ADAMTSL3: variants seen among roughly 807,000 people sequenced by gnomAD.
ADAMTSL3 encodes ADAMTS like 3, also known as ADAMTS-like protein 3.
In ADAMTSL3, 128 loss-of-function variants were observed where a neutral mutation model predicts 201.7. The observed-to-expected ratio is 0.63, with a 90% CI of 0.55 to 0.73. The LOEUF (loss-of-function observed/expected upper bound fraction) is 0.73, where lower values mean the gene tolerates loss of function less well. ADAMTSL3 is among the 30% of genes least tolerant of loss of function. ADAMTSL3 has a pLI of 0.00. For missense variants in ADAMTSL3, 1,990 were observed against 2,119.6 expected (o/e 0.94, Z 1.20); for synonymous variants, 738 against 748.4 (o/e 0.99, Z 0.23).
At chr15:83,850,654 G>C (rs528769458) in intron 7 of ADAMTSL3, among the ~76,000 whole-genome samples, 1 of 152,126 alleles carries the variant, frequency 6.6e-6, no homozygotes, top group East Asian at 1.9e-4. Context: ...GTATTCCTCA[G>C]ATCACAGCTT....
intron 3 of ADAMTSL3, among the ~76,000 whole-genome samples, chr15:83,716,044 G>A (rs994322351): frequency 3.3e-5 from 5 of 152,076 alleles, no homozygotes; most frequent in African/African-American, 4.8e-5. Flanking sequence ...TGTAATTATT[G>A]ACATGGATGT....
intron 5 of ADAMTSL3, among the ~76,000 whole-genome samples, chr15:83,818,300 AT>A (rs147113390): frequency 0.073 from 11,127 of 152,218 alleles, 623 homozygotes; most frequent in Admixed American, 0.18. Context: ...ATACAAAAAA[AT>A]AATAAAATAC....
chr15:83,772,564 G>C (rs114345281), intron 3 of ADAMTSL3, among the ~76,000 whole-genome samples: 34 of 152,150 alleles, frequency 2.2e-4, no homozygotes, highest in African/African-American at 8.0e-4. Context: ...TTATAACTTG[G>C]CCAACTATGT....
intron 7 of ADAMTSL3, among the ~76,000 whole-genome samples, chr15:83,846,744 T>C (rs567506564): frequency 6.6e-6 from 1 of 152,362 alleles, no homozygotes; most frequent in East Asian, 1.9e-4. Flanking sequence ...TTAACGCCTC[T>C]GCTTTTCAGT....
chr15:83,672,727 C>T (rs578233952), intron 2 of ADAMTSL3, among the ~76,000 whole-genome samples: 3 of 152,340 alleles, frequency 2.0e-5, no homozygotes, highest in African/African-American at 7.2e-5. Context: ...TGCAGAGCCT[C>T]GTTTCCAAAG....
At chr15:83,738,238 A>G (rs565039153) in intron 3 of ADAMTSL3, among the ~76,000 whole-genome samples, 1 of 152,362 alleles carries the variant, frequency 6.6e-6, no homozygotes, top group South Asian at 2.1e-4. Flanking sequence ...CAGATAGTTC[A>G]AAATTCAGAA....
chr15:83,883,129 TATA>T (rs2065308547), intron 9 of ADAMTSL3, among the ~76,000 whole-genome samples: 1 of 149,954 alleles, frequency 6.7e-6, no homozygotes, highest in Admixed American at 6.7e-5. Context: ...AAATATCTTT[TATA>T]ATACTATTTC....
Position 83,982,800 on chromosome 15 carries a change from G to A in ADAMTSL3, c.3172G>A (p.Ala1058Thr). The A allele has an allele frequency of 6.2e-7, 1 of 1,614,108 alleles. No individual in the cohort carries two copies. ...CATTAGTAACCAGCCTTTCTTGAGA[G>A]CTCTGTTAGGCCACTGCAGCAATTC... ...DHISNQPFLR[A>T]LLGHCSNSAG... The change falls in exon 21 of 30, where the codon GCT becomes ACT. Residue 1058 changes from alanine (A) to threonine (T), a missense_variant. Physicochemically the swap from Ala to Thr is moderately conservative, Grantham distance 58. Coordinates refer to ENST00000286744, the MANE Select transcript of ADAMTSL3 (RefSeq NM_207517.3).
chr15:83,988,972 C>A (rs920490301), intron 22 of ADAMTSL3, among the ~76,000 whole-genome samples, 154 bp downstream of exon 22: 2 of 151,704 alleles, frequency 1.3e-5, no homozygotes, highest in Admixed American at 6.6e-5. Flanking sequence ...AGCTCCGCCT[C>A]CCGGGTTCAC....
intron 15 of ADAMTSL3, among the ~76,000 whole-genome samples, chr15:83,911,191 A>G (rs1472138332): frequency 7.2e-5 from 11 of 152,202 alleles, no homozygotes; most frequent in South Asian, 2.1e-4. Flanking sequence ...GACACTTTCA[A>G]TTGCTTCCAG....
chr15:83,777,717 C>T (rs1453074825), intron 4 of ADAMTSL3, among the ~76,000 whole-genome samples: 2 of 152,214 alleles, frequency 1.3e-5, no homozygotes, highest in Non-Finnish European at 2.9e-5. Flanking sequence ...AGAGCACCTT[C>T]TTTCCAACAG....
chr15:83,741,965 A>G (rs1167321900), intron 3 of ADAMTSL3, among the ~76,000 whole-genome samples: 1 of 152,198 alleles, frequency 6.6e-6, no homozygotes, highest in African/African-American at 2.4e-5. Flanking sequence ...CTGTCTCAAA[A>G]TATGTATATA....
intron 3 of ADAMTSL3, among the ~76,000 whole-genome samples, chr15:83,746,247 C>T (rs2062545218): frequency 6.6e-6 from 1 of 151,352 alleles, no homozygotes; most frequent in Admixed American, 6.6e-5. Context: ...CAGAAAATGA[C>T]CAGTTTTCCC....
At chr15:83,832,962 C>A (rs1045013195) in intron 6 of ADAMTSL3, among the ~76,000 whole-genome samples, 7 of 152,022 alleles carry the variant, frequency 4.6e-5, no homozygotes, top group African/African-American at 1.7e-4. Flanking sequence ...TATTGAATTC[C>A]CTGATAGCTG....
intron 3 of ADAMTSL3, among the ~76,000 whole-genome samples, chr15:83,741,520 T>A (rs1291445962): frequency 1.3e-5 from 2 of 152,142 alleles, no homozygotes; most frequent in Non-Finnish European, 2.9e-5. Flanking sequence ...TACTTAGTAT[T>A]GAAACATTTC....
intron 13 of ADAMTSL3, among the ~76,000 whole-genome samples, chr15:83,896,736 A>T (rs2065623481): frequency 1.3e-5 from 2 of 152,160 alleles, no homozygotes; most frequent in South Asian, 4.1e-4. Flanking sequence ...ACACTCCCCA[A>T]CATGCAGATT....
chr15:84,001,497 C>T (rs1480207285), intron 23 of ADAMTSL3, among the ~76,000 whole-genome samples: 9 of 152,200 alleles, frequency 5.9e-5, no homozygotes, highest in African/African-American at 1.9e-4. Flanking sequence ...TGTTTATGTA[C>T]CTAATGAGTG....
intron 3 of ADAMTSL3, among the ~76,000 whole-genome samples, chr15:83,727,123 G>C (rs2062190483): frequency 6.7e-6 from 1 of 150,364 alleles, no homozygotes; most frequent in Non-Finnish European, 1.5e-5. Context: ...AATCTTGGTA[G>C]GTTGTATGTG....
chr15:83,804,065 C>A (rs2063564137), intron 4 of ADAMTSL3, among the ~76,000 whole-genome samples: 1 of 152,012 alleles, frequency 6.6e-6, no homozygotes, highest in Non-Finnish European at 1.5e-5. Context: ...ATTGCTTGAA[C>A]CTGGGAGATG....
Sources: gnomAD v4.1 joint callset for allele counts (sites outside exome capture counted in the v4.1 genomes callset) on GRCh38, gnomAD v4.1.1 for gene constraint, MANE v1.5 for transcripts, NCBI Gene and HGNC (gene_info 2026-07-23, HGNC 2026-07-21) for gene names.